ZNF717: variants seen among roughly 807,000 people sequenced by gnomAD.
ZNF717 encodes krueppel-like factor X17.
In ZNF717, 9 loss-of-function variants were observed where a neutral mutation model predicts 13.8. That is an observed-to-expected ratio of 0.65 (90% confidence interval 0.39 to 1.14). The LOEUF is 1.14. ZNF717 is among the 50% of genes most tolerant of loss of function. ZNF717 has a pLI of 0.01. For synonymous variants in ZNF717, 327 were observed against 364.1 expected (o/e 0.90, Z 1.16); for missense variants, 1,040 against 1,080.7 (o/e 0.96, Z 0.53).
intron 2 of ZNF717, among the ~76,000 whole-genome samples, chr3:75,778,112 C>G (rs148985942): frequency 6.8e-6 from 1 of 147,310 alleles, no homozygotes; most frequent in Non-Finnish European, 1.5e-5. Flanking sequence ...GTGCTAAAAC[C>G]GGAACCCAAA....
At chr3:75,771,077 A>C (rs1242102826) in intron 2 of ZNF717, among the ~76,000 whole-genome samples, 1 of 152,230 alleles carries the variant, frequency 6.6e-6, no homozygotes, top group Non-Finnish European at 1.5e-5. Flanking sequence ...TAATAGGTAG[A>C]AAGACTGAAA....
At chr3:75,728,565 G>A (rs76747573), downstream of ZNF717, among the ~76,000 whole-genome samples, 1 of 150,728 alleles carries the variant, frequency 6.6e-6, no homozygotes, top group Non-Finnish European at 1.5e-5. Flanking sequence ...ATTGGACCAT[G>A]GGGGCAGTTT....
intron 2 of ZNF717, among the ~76,000 whole-genome samples, chr3:75,750,680 G>C (rs796547305): frequency 2.0e-5 from 3 of 151,100 alleles, no homozygotes; most frequent in East Asian, 3.9e-4. Context: ...ACTGTTACGA[G>C]GGTCTGAATG....
intron 6 of ZNF717, among the ~76,000 whole-genome samples, chr3:75,702,468 C>T (rs1342105961): frequency 6.6e-6 from 1 of 152,176 alleles, no homozygotes; most frequent in African/African-American, 2.4e-5. Flanking sequence ...TTGCCAGAGG[C>T]TGGGAAGGGC....
At chr3:75,762,627 A>C (rs916771602) in intron 2 of ZNF717, among the ~76,000 whole-genome samples, 10 of 152,170 alleles carry the variant, frequency 6.6e-5, no homozygotes, top group Non-Finnish European at 1.5e-4. Flanking sequence ...GAATGATGTC[A>C]ACACTACTCG....
At position 75,758,509 on chromosome 3, in the gene ZNF717, G is replaced by C. The variant is rs1197893675; in HGVS notation, c.58-16773C>G. 2.0e-5 allele frequency among the ~76,000 whole-genome samples: 3 copies of C among 152,328 alleles called. No homozygotes were observed. The East Asian group carries it at 5.8e-4, about 29-fold the overall frequency. On this transcript the variant is annotated intron_variant, in intron 2 of 4. Coordinates refer to ENST00000652011, the MANE Select transcript of ZNF717 (RefSeq NM_001290208.3). ...AACTTAGTTGGTACAGCAGTACGAA[G>C]GCCTGACAGGATTGAATCCAATTTT...
downstream of ZNF717, among the ~76,000 whole-genome samples, chr3:75,734,226 G>A (rs1938874173): frequency 3.3e-5 from 5 of 150,584 alleles, no homozygotes; most frequent in South Asian, 1.1e-3. Context: ...CCTCCACCAC[G>A]CCTGGCTAAT....
intron 4 of ZNF717, among the ~76,000 whole-genome samples, chr3:75,723,285 T>TG (rs1938204840): frequency 6.9e-6 from 1 of 145,704 alleles, no homozygotes; most frequent in Admixed American, 7.0e-5. Context: ...GCTCTTGCTC[T>TG]GTTGCCCAGG....
chr3:75,726,379 T>A (rs1364513117), downstream of ZNF717, among the ~76,000 whole-genome samples: 1 of 152,226 alleles, frequency 6.6e-6, no homozygotes, highest in Non-Finnish European at 1.5e-5. Context: ...TTCCAGCACT[T>A]TGGGAGGTTG....
chr3:75,727,677 T>G (rs1339650874), downstream of ZNF717, among the ~76,000 whole-genome samples: 83 of 152,374 alleles, frequency 5.4e-4, no homozygotes, highest in African/African-American at 2.0e-3. Flanking sequence ...TGAACCTTGT[T>G]TCCTGTTAAG....
chr3:75,773,206 A>C lies in ZNF717; in HGVS notation c.57+10100T>G, dbSNP rs545431583. On this transcript the variant is annotated intron_variant, in intron 2 of 4. Coordinates refer to ENST00000652011, the MANE Select transcript of ZNF717 (RefSeq NM_001290208.3). ...CTCGCATGCTTAGGTAGGAAAAAAA[A>C]AATCATTGGCTAAGTTAATCAAGGG... is the stretch of plus-strand genomic sequence containing the variant. Among the ~76,000 whole-genome samples, 72 of 152,388 alleles carry C rather than the reference A, an allele frequency of 4.7e-4. No homozygotes were observed. The South Asian group carries it at 0.014, about 30-fold the overall frequency.
chr3:75,756,446 G>A (rs1942481925), intron 2 of ZNF717, among the ~76,000 whole-genome samples: 2 of 152,250 alleles, frequency 1.3e-5, no homozygotes, highest in South Asian at 4.1e-4. Context: ...AGGAAGGCAT[G>A]CTATAAGCAA....
At chr3:75,769,318 A>G (rs149917251) in intron 2 of ZNF717, among the ~76,000 whole-genome samples, 283 of 152,224 alleles carry the variant, frequency 1.9e-3, no homozygotes, top group African/African-American at 6.5e-3. Flanking sequence ...CTGGCCACAA[A>G]GAGAGGGCTG....
downstream of ZNF717, among the ~76,000 whole-genome samples, chr3:75,727,707 G>A (rs1407199959): frequency 1.3e-5 from 2 of 152,204 alleles, no homozygotes; most frequent in Non-Finnish European, 1.5e-5. Flanking sequence ...AAGACAATGT[G>A]TGCACAGCGG....
At chr3:75,733,853 T>G (rs7636850), downstream of ZNF717, among the ~76,000 whole-genome samples, 98,344 of 127,410 alleles carry the variant, frequency 0.77, 36,721 homozygotes, top group Middle Eastern at 0.84. Context: ...GAATGACATA[T>G]TAAACATGCT....
At chr3:75,702,734 T>C (rs1424053707) in intron 6 of ZNF717, among the ~76,000 whole-genome samples, 31 of 151,860 alleles carry the variant, frequency 2.0e-4, no homozygotes, top group Admixed American at 1.2e-3. Context: ...CCCATAAATA[T>C]ATACACCAAC....
chr3:75,731,348 G>A (rs1938535184), downstream of ZNF717, among the ~76,000 whole-genome samples: 4 of 152,290 alleles, frequency 2.6e-5, no homozygotes, highest in South Asian at 8.3e-4. Flanking sequence ...CTGCACTACA[G>A]CCTGGATGAC....
At chr3:75,716,594 A>G (rs1164427824) in intron 4 of ZNF717, 1 of 152,368 alleles carries the variant, frequency 6.6e-6, no homozygotes, top group South Asian at 2.1e-4. Context: ...GAAAGAAAGC[A>G]AGGAGCTCAA....
chr3:75,740,685 G>T (rs1268769891), intron 4 of ZNF717, among the ~76,000 whole-genome samples: 4 of 151,188 alleles, frequency 2.6e-5, no homozygotes, highest in Non-Finnish European at 5.9e-5. Context: ...TAAAAAATTA[G>T]CCAGGTGTGG....
Sources: gnomAD v4.1 joint callset for allele counts (sites outside exome capture counted in the v4.1 genomes callset) on GRCh38, gnomAD v4.1.1 for gene constraint, MANE v1.5 for transcripts, NCBI Gene and HGNC (gene_info 2026-07-23, HGNC 2026-07-21) for gene names.